SUSD4: variants seen among roughly 807,000 people sequenced by gnomAD.
SUSD4 encodes the protein sushi domain-containing protein 4.
In SUSD4, 41 loss-of-function variants were observed where a neutral mutation model predicts 50.5. The ratio of observed to expected loss-of-function variants is 0.81; its 90% CI spans 0.63 to 1.05. The LOEUF (loss-of-function observed/expected upper bound fraction) is 1.05, where lower values mean the gene tolerates loss of function less well. Ranked by LOEUF, SUSD4 falls within the 50% of genes least tolerant of loss-of-function variation. The pLI is 0.00. For synonymous variants in SUSD4, 257 were observed against 257.3 expected (o/e 1.00, Z 0.01); for missense variants, 580 against 634.7 (o/e 0.91, Z 0.93).
chr1:223,300,379 A>C (rs1323172253), intron 2 of SUSD4, among the ~76,000 whole-genome samples: 2 of 152,148 alleles, frequency 1.3e-5, no homozygotes, highest in Non-Finnish European at 2.9e-5. Flanking sequence ...TCATGCAAAG[A>C]CACCCTCAGT....
intron 2 of SUSD4, among the ~76,000 whole-genome samples, chr1:223,352,314 G>T (rs1668412094): frequency 6.6e-6 from 1 of 152,172 alleles, no homozygotes; most frequent in Non-Finnish European, 1.5e-5. Flanking sequence ...AGCTCTCTGT[G>T]TGCTCATTTC....
At chr1:223,317,696 T>TC (rs1348209646) in intron 2 of SUSD4, among the ~76,000 whole-genome samples, 1 of 152,040 alleles carries the variant, frequency 6.6e-6, no homozygotes, top group Non-Finnish European at 1.5e-5. Flanking sequence ...TCTCTTTTAC[T>TC]CCCAAAAGGA....
Position 223,342,753 on chromosome 1 carries a change from T to C in SUSD4, c.148+20525A>G, listed in dbSNP as rs188700597. Among the ~76,000 whole-genome samples the C allele has an allele frequency of 9.1e-4, 138 of 152,342 alleles. 1 individual carries two copies. The highest frequency in any genetic ancestry group is 3.3e-3 in the African/African-American group (137 of 41,592). ...TTTCCCAGCACGCAAATTGACTAAA[T>C]GTTTAAGTATAACAAATAAAATATG... is the stretch of plus-strand genomic sequence containing the variant. On this transcript the variant is annotated intron_variant, in intron 2 of 8. Transcript: ENST00000366878.
At chr1:223,330,477 G>A (rs2103269634) in intron 2 of SUSD4, among the ~76,000 whole-genome samples, 1 of 152,158 alleles carries the variant, frequency 6.6e-6, no homozygotes, top group East Asian at 1.9e-4. Context: ...CAAATTTTAA[G>A]TCATAAGTAA....
chr1:223,224,744 T>C (rs851145), intron 7 of SUSD4, among the ~76,000 whole-genome samples: 5,426 of 152,162 alleles, frequency 0.036, 242 homozygotes, highest in African/African-American at 0.1. Flanking sequence ...CACTGCCTGA[T>C]TGGAGCCCGG....
intron 3 of SUSD4, chr1:223,289,274 G>A: frequency 4.2e-5 from 41 of 985,446 alleles, no homozygotes; most frequent in Non-Finnish European, 4.7e-5. Context: ...TCTTGCAGAA[G>A]CAGCTTGAAG....
intron 2 of SUSD4, among the ~76,000 whole-genome samples, chr1:223,297,136 G>C (rs982655902): frequency 6.6e-6 from 1 of 152,198 alleles, no homozygotes; most frequent in South Asian, 2.1e-4. Flanking sequence ...ACTAACTGAA[G>C]ACAGAGAACA....
upstream of SUSD4, chr1:223,364,266 C>T (rs1669188430): frequency 6.8e-6 from 1 of 147,758 alleles, no homozygotes; most frequent in South Asian, 2.1e-4. The surrounding 1 kb of genome is among the most constrained non-coding windows in gnomAD (Gnocchi z 4.5). Context: ...GACGGGAGCC[C>T]GGCCGCGCGC....
intron 2 of SUSD4, among the ~76,000 whole-genome samples, chr1:223,330,311 A>G (rs574155787): frequency 1.3e-5 from 2 of 152,332 alleles, no homozygotes; most frequent in South Asian, 4.1e-4. Context: ...GCTAAACCAC[A>G]ATCCACATAT....
At position 223,227,595 on chromosome 1, in the gene SUSD4, T is replaced by G; in HGVS notation, c.1060A>C (p.Arg354=). The change falls in exon 7 of 9, where the codon AGG becomes CGG. Residue 354 remains arginine, a splice_region_variant and synonymous_variant. Coordinates refer to ENST00000366878, the MANE Select transcript of SUSD4 (RefSeq NM_017982.4). This position sits in a 1 kb window ranked among gnomAD's most constrained non-coding sequence, Gnocchi z 4.5. ...QTKFKAHFPP[R]GPPRSSSSDP... is the part of the protein sequence containing the mutation. ...CAGCTGCCAAGACATGACACTGACC[T>G]GGGGGGAAAGTGGGCCTTGAACTTG... is the stretch of plus-strand genomic sequence containing the variant. 6.2e-6 allele frequency: 10 copies of G among 1,613,610 alleles called. No homozygotes were observed. The highest frequency in any genetic ancestry group is 8.5e-6 in the Non-Finnish European group (10 of 1,179,740).
chr1:223,316,880 G>C (rs982316525), intron 2 of SUSD4, among the ~76,000 whole-genome samples: 5 of 152,284 alleles, frequency 3.3e-5, no homozygotes, highest in Admixed American at 6.5e-5. Context: ...AAGAAGGCAA[G>C]AGAGGGTGTC....
At chr1:223,300,960 A>G (rs892660484) in intron 2 of SUSD4, among the ~76,000 whole-genome samples, 1 of 152,194 alleles carries the variant, frequency 6.6e-6, no homozygotes, top group African/African-American at 2.4e-5. Flanking sequence ...AGGTGTGAAA[A>G]GCAATCTTTG....
intron 2 of SUSD4, among the ~76,000 whole-genome samples, chr1:223,305,043 A>G (rs1022956997): frequency 1.2e-4 from 18 of 151,750 alleles, no homozygotes; most frequent in Admixed American, 1.3e-4. Context: ...ACTTAGGAGC[A>G]ATAACAAATA....
Position 223,234,122 on chromosome 1 carries a change from T to C in SUSD4, c.725-4734A>G, listed in dbSNP as rs190908531. 5.9e-5 allele frequency among the ~76,000 whole-genome samples: 9 copies of C among 152,274 alleles called. No homozygotes were observed. The East Asian group carries it at 1.5e-3, about 26-fold the overall frequency. ...TGGAACTTCCCAGAGGTGGGCTACA[T>C]GTGGGGAGGCGGGACCAAAGGATAG... On this transcript the variant is annotated intron_variant, in intron 5 of 8. Transcript: ENST00000366878.
intron 2 of SUSD4, among the ~76,000 whole-genome samples, chr1:223,344,236 T>A (rs76909064): frequency 6.6e-6 from 1 of 152,218 alleles, no homozygotes; most frequent in African/African-American, 2.4e-5. Context: ...TGACAATATT[T>A]CAAAGAGATG....
At chr1:223,315,708 G>C (rs1666145166) in intron 2 of SUSD4, among the ~76,000 whole-genome samples, 1 of 152,072 alleles carries the variant, frequency 6.6e-6, no homozygotes, top group African/African-American at 2.4e-5. Context: ...ACAATTCCAG[G>C]TAAAATTCAT....
rs577760104 is a variant in SUSD4, at chr1:223,243,505, T to G, written c.725-14117A>C. On this transcript the variant is annotated intron_variant, in intron 5 of 8. Coordinates refer to ENST00000366878, the MANE Select transcript of SUSD4 (RefSeq NM_017982.4). ...TTTTGGTGAATGCTGTTCACAGCAC[T>G]GAGGGTGGGTGGCTCAGAGGGCCCC... Among the ~76,000 whole-genome samples the G allele has an allele frequency of 1.1e-3, 166 of 152,306 alleles. 3 individuals carry two copies. The highest frequency in any genetic ancestry group is 3.9e-3 in the African/African-American group (162 of 41,574).
intron 3 of SUSD4, among the ~76,000 whole-genome samples, chr1:223,273,452 C>G (rs1051099527): frequency 6.6e-6 from 1 of 152,240 alleles, no homozygotes; most frequent in African/African-American, 2.4e-5. Flanking sequence ...CCTGGAATGT[C>G]TGGCTTGAGA....
At chr1:223,337,615 G>A (rs986220153) in intron 2 of SUSD4, among the ~76,000 whole-genome samples, 1 of 152,164 alleles carries the variant, frequency 6.6e-6, no homozygotes, top group Non-Finnish European at 1.5e-5. Flanking sequence ...TTAGGACACC[G>A]CAGCCTGGAA....
Sources: allele counts gnomAD v4.1 joint callset (sites outside exome capture counted in the v4.1 genomes callset), GRCh38; gene constraint gnomAD v4.1.1; non-coding constraint Gnocchi (gnomAD v3.1); transcripts MANE v1.5; gene names NCBI Gene and HGNC (gene_info 2026-07-23, HGNC 2026-07-21).